The following GPRC5D variants were observed in gnomAD, a reference collection of about 807,000 sequenced individuals.
GPRC5D encodes G protein-coupled receptor family C group 5 member D.
In GPRC5D, 20 loss-of-function variants were observed where a neutral mutation model predicts 29.3. The observed-to-expected ratio is 0.68, with a 90% CI of 0.48 to 0.99. GPRC5D has a LOEUF of 0.99. Among genes scored for constraint, GPRC5D ranks in the 50% least tolerant of loss-of-function variants. GPRC5D has a pLI of 0.00. For synonymous variants in GPRC5D, 178 were observed against 171.3 expected, an observed-to-expected ratio of 1.04 and a Z score of -0.30; for missense variants, 384 against 423.6, an observed-to-expected ratio of 0.91 and a Z score of 0.82.
intron 1 of GPRC5D, among the ~76,000 whole-genome samples, 175 bp from the exon 3 acceptor site, chr12:12,942,503 G>A (rs1863179191): frequency 6.6e-6 from 1 of 152,232 alleles, no homozygotes; most frequent in Admixed American, 6.5e-5. Context: ...GGGAGGCCAA[G>A]ACAGGCGGAT....
intron 1 of GPRC5D, chr12:12,947,099 C>T (rs1863367976): frequency 6.6e-6 from 1 of 152,258 alleles, no homozygotes; most frequent in African/African-American, 2.4e-5. Context: ...ACTTCCCACA[C>T]TTCTCATTAG....
intron 1 of GPRC5D, among the ~76,000 whole-genome samples, chr12:12,942,684 G>A (rs917027442): frequency 7.2e-5 from 11 of 152,154 alleles, no homozygotes; most frequent in African/African-American, 9.7e-5. Flanking sequence ...GCAGTGAGCC[G>A]AGATCACGCC....
In GPRC5D at chr12:12,944,827, TTCCTTCCTTCC is replaced by T. The variant is rs1863247027; in HGVS notation, c.896-2510_896-2500del. ...CTTCCTTCCTTCCTTCCTTCCTTCC[TTCCTTCCTTCC>T]TTCCTTCCTTCCTTCTTTCTTTCTT... On this transcript the variant is annotated intron_variant, in intron 1 of 2. Transcript: ENST00000228887. Among the ~76,000 whole-genome samples the T allele has an allele frequency of 5.0e-4, 5 of 9,936 alleles. 1 individual carries two copies. Among genetic ancestry groups the T allele is most frequent in the South Asian group, 0.019 (2 of 106 alleles). 6.5% of individuals were successfully genotyped at this position (9,936 alleles called of 152,430 possible).
Sources: allele counts gnomAD v4.1 joint callset (sites outside exome capture counted in the v4.1 genomes callset), GRCh38; gene constraint gnomAD v4.1.1; transcripts MANE v1.5; gene names NCBI Gene and HGNC (gene_info 2026-07-23, HGNC 2026-07-21).